PLXDC2: variants seen among roughly 807,000 people sequenced by gnomAD.
The protein encoded by PLXDC2 is plexin domain-containing protein 2.
A neutral mutation model predicts 68.9 loss-of-function variants in PLXDC2; 40 were observed. That is an observed-to-expected ratio of 0.58 (90% confidence interval 0.45 to 0.76). The LOEUF is 0.76. Ranked by LOEUF, PLXDC2 falls within the 30% of genes least tolerant of loss-of-function variation. The pLI is 0.00. For synonymous variants in PLXDC2, 243 were observed against 234.2 expected (o/e 1.04, Z -0.34); for missense variants, 644 against 661.9 (o/e 0.97, Z 0.30).
rs533471628 is a variant in PLXDC2, at chr10:20,167,780, A to G, written c.883+3213A>G. Among the ~76,000 whole-genome samples, 14 of 152,286 alleles carry G rather than the reference A, an allele frequency of 9.2e-5. No homozygotes were observed. In the South Asian group the frequency reaches 2.9e-3, roughly 32 times the overall value. On this transcript the variant is annotated intron_variant, in intron 7 of 13. Coordinates refer to ENST00000377252, the MANE Select transcript of PLXDC2 (RefSeq NM_032812.9). Reference sequence around the variant, plus strand: ...GGGAATGTGAGCTCAAGCCTGGAAAATAGTATTTCCCAGTAGATCACCATT... The same window carrying G: ...GGGAATGTGAGCTCAAGCCTGGAAAGTAGTATTTCCCAGTAGATCACCATT...
intron 4 of PLXDC2, among the ~76,000 whole-genome samples, chr10:20,140,444 T>TATCTATCTAA (rs1833990345): frequency 5.2e-5 from 1 of 19,100 alleles, no homozygotes; most frequent in Non-Finnish European, 1.6e-4. Flanking sequence ...TATCTATCCG[T>TATCTATCTAA]CTAATCTTTA....
intron 4 of PLXDC2, among the ~76,000 whole-genome samples, chr10:20,097,942 A>G (rs925505227): frequency 6.7e-6 from 1 of 148,402 alleles, no homozygotes; most frequent in Admixed American, 6.8e-5. Context: ...AGTATTATAT[A>G]TTTATATAGT....
chr10:19,905,468 C>T (rs911136584), intron 1 of PLXDC2, among the ~76,000 whole-genome samples: 1 of 152,096 alleles, frequency 6.6e-6, no homozygotes, highest in African/African-American at 2.4e-5. Context: ...TTTTGGGGTT[C>T]TCTTGTAAGA....
At chr10:20,194,435 C>T (rs1008412839) in intron 9 of PLXDC2, among the ~76,000 whole-genome samples, 1 of 151,566 alleles carries the variant, frequency 6.6e-6, no homozygotes, top group African/African-American at 2.4e-5. Context: ...GTTTTTTGGT[C>T]AAAATAAATT....
intron 1 of PLXDC2, among the ~76,000 whole-genome samples, chr10:19,974,388 G>A (rs1242655003): frequency 2.6e-5 from 4 of 152,208 alleles, no homozygotes; most frequent in African/African-American, 9.7e-5. Flanking sequence ...CCAGTCTATG[G>A]GCTGAAATGT....
intron 2 of PLXDC2, among the ~76,000 whole-genome samples, chr10:20,003,856 G>A (rs555166201): frequency 3.3e-5 from 5 of 152,138 alleles, no homozygotes; most frequent in Admixed American, 2.0e-4. Context: ...TGACCTTTCC[G>A]GGCTGACTAC....
intron 1 of PLXDC2, among the ~76,000 whole-genome samples, chr10:19,971,753 C>G (rs1016580242): frequency 6.6e-6 from 1 of 152,058 alleles, no homozygotes; most frequent in African/African-American, 2.4e-5. Context: ...AGCAATGTGT[C>G]TGATCATAAC....
chr10:19,910,276 T>C (rs1833242898), intron 1 of PLXDC2, among the ~76,000 whole-genome samples: 1 of 151,912 alleles, frequency 6.6e-6, no homozygotes, highest in African/African-American at 2.4e-5. Flanking sequence ...GGAGTCAGGA[T>C]GCTGCTGCTG....
chr10:20,172,003 C>T (rs1435601293), intron 7 of PLXDC2, among the ~76,000 whole-genome samples: 3 of 151,944 alleles, frequency 2.0e-5, no homozygotes, highest in African/African-American at 7.2e-5. Context: ...ACAATGTACA[C>T]TATTTGGGTG....
At chr10:20,206,855 CACACACACACACACACACAG>C (rs148952690) in intron 9 of PLXDC2, among the ~76,000 whole-genome samples, 2,072 of 151,710 alleles carry the variant, frequency 0.014, 52 homozygotes, top group African/African-American at 0.048. Flanking sequence ...TTGAAACACA[CACACACACACACACACACAG>C]ACACACACAC....
chr10:20,074,855 AGT>A lies in PLXDC2; in HGVS notation c.541+6617_541+6618del, dbSNP rs1564305674. On this transcript the variant is annotated intron_variant, in intron 4 of 13. Coordinates refer to ENST00000377252, the MANE Select transcript of PLXDC2 (RefSeq NM_032812.9). ...CTGCATCTAGGGAGAAGGTGAATGGAGTTGTTTTGTATTATTATTATTATTAA... is the reference window on the plus strand; with the variant it reads ...CTGCATCTAGGGAGAAGGTGAATGGATGTTTTGTATTATTATTATTATTAA... Among the ~76,000 whole-genome samples the A allele has an allele frequency of 2.4e-5, 3 of 123,254 alleles. 1 individual carries two copies. The highest frequency in any genetic ancestry group is 2.2e-4 in the Admixed American group (3 of 13,374). 80.9% of individuals were successfully genotyped at this position (123,254 alleles called of 152,430 possible).
chr10:20,159,342 T>A (rs1191644567), intron 6 of PLXDC2, among the ~76,000 whole-genome samples: 1 of 152,198 alleles, frequency 6.6e-6, no homozygotes, highest in Non-Finnish European at 1.5e-5. Context: ...TATCCTTTAC[T>A]CTGCTTTTGT....
intron 3 of PLXDC2, among the ~76,000 whole-genome samples, chr10:20,057,874 A>C (rs1314208875): frequency 1.3e-5 from 2 of 152,090 alleles, no homozygotes. Context: ...TTTTGAAAAA[A>C]ATCAGAAAGT....
At chr10:20,190,417 A>C (rs904693222) in intron 9 of PLXDC2, among the ~76,000 whole-genome samples, 9 of 151,840 alleles carry the variant, frequency 5.9e-5, no homozygotes, top group Non-Finnish European at 1.2e-4. Context: ...CTTAGAGGAC[A>C]AGGATATAAA....
chr10:20,147,455 A>G (rs1438691865), intron 5 of PLXDC2, among the ~76,000 whole-genome samples: 1 of 152,212 alleles, frequency 6.6e-6, no homozygotes, highest in Non-Finnish European at 1.5e-5. Context: ...CTTGGGCTGC[A>G]TTTTGAAAGT....
intron 1 of PLXDC2, among the ~76,000 whole-genome samples, chr10:19,981,380 T>C (rs540146057): frequency 1.3e-5 from 2 of 152,326 alleles, no homozygotes; most frequent in South Asian, 2.1e-4. Flanking sequence ...AGGGAAGTGA[T>C]ACTAAAGTCT....
At chr10:20,146,400 C>A (rs910298499) in intron 5 of PLXDC2, among the ~76,000 whole-genome samples, 4 of 149,478 alleles carry the variant, frequency 2.7e-5, no homozygotes, top group African/African-American at 7.4e-5. Flanking sequence ...TTCTTCCTTG[C>A]TTCCTTGCTT....
intron 4 of PLXDC2, among the ~76,000 whole-genome samples, chr10:20,125,651 T>C (rs1833763368): frequency 6.6e-6 from 1 of 152,168 alleles, no homozygotes; most frequent in Non-Finnish European, 1.5e-5. Flanking sequence ...AGAGCCTCTA[T>C]AGAGCTCTGA....
intron 4 of PLXDC2, among the ~76,000 whole-genome samples, chr10:20,079,260 A>G (rs1836509352): frequency 6.6e-6 from 1 of 152,246 alleles, no homozygotes; most frequent in Admixed American, 6.5e-5. Context: ...AAAAAAGCTC[A>G]TCATCACTGG....
Sources: gnomAD v4.1 joint callset for allele counts (sites outside exome capture counted in the v4.1 genomes callset) on GRCh38, gnomAD v4.1.1 for gene constraint, MANE v1.5 for transcripts, NCBI Gene and HGNC (gene_info 2026-07-23, HGNC 2026-07-21) for gene names.